Variants in TP73 observed in about 807,000 individuals in gnomAD.
TP73 encodes the protein tumor protein p73, also known as p53-like transcription factor.
Under a neutral mutation model 62.5 loss-of-function variants are expected in TP73, and 25 were observed. The observed-to-expected ratio is 0.40, with a 90% confidence interval of 0.29 to 0.56. The LOEUF (loss-of-function observed/expected upper bound fraction) is 0.56, where lower values mean the gene tolerates loss of function less well. Ranked by LOEUF, TP73 falls within the 20% of genes least tolerant of loss-of-function variation. The pLI is 0.46. For missense variants in TP73, 754 were observed against 913.3 expected, an observed-to-expected ratio of 0.83 and a Z score of 2.25; for synonymous variants, 423 against 377.5, an observed-to-expected ratio of 1.12 and a Z score of -1.40.
intron 3 of TP73, chr1:3,698,235 G>A: frequency 2.0e-5 from 11 of 556,400 alleles, no homozygotes; most frequent in Non-Finnish European, 2.5e-5. Context: ...TGGGCTCTGG[G>A]GTGCTGGCAG....
In TP73 at chr1:3,733,146, T is replaced by C; in HGVS notation, c.*67T>C. ...CAAGCTGCCTCCCCTCTCCTTCCTG[T>C]GTGTCCAAAACTGCCTCAGGAGGCA... On this transcript the variant is annotated 3_prime_UTR_variant, in exon 14 of 14. Coordinates refer to ENST00000378295, the MANE Select transcript of TP73 (RefSeq NM_005427.4). 1.4e-6 allele frequency: 2 copies of C among 1,459,376 alleles called. No homozygotes were observed. The highest frequency in any genetic ancestry group is 2.8e-5 in the African/African-American group (2 of 71,350). 90.4% of individuals were successfully genotyped at this position (1,459,376 alleles called of 1,614,324 possible).
chr1:3,656,872 G>A (rs1032298602), intron 1 of TP73, among the ~76,000 whole-genome samples: 1 of 152,232 alleles, frequency 6.6e-6, no homozygotes, highest in Admixed American at 6.5e-5. Context: ...AGTTTTGAAT[G>A]TAGGCAGCAA....
At chr1:3,667,773 A>G (rs576708841) in intron 1 of TP73, among the ~76,000 whole-genome samples, 354 of 152,168 alleles carry the variant, frequency 2.3e-3, no homozygotes, top group Non-Finnish European at 3.6e-3. Flanking sequence ...AAGAAAGAAA[A>G]AAAGTAAAAA....
intron 1 of TP73, among the ~76,000 whole-genome samples, chr1:3,667,227 A>C (rs1313171317): frequency 6.6e-6 from 1 of 152,232 alleles, no homozygotes; most frequent in African/African-American, 2.4e-5. Flanking sequence ...CCCCAAAGAC[A>C]GGAAGAGGGG....
rs201732307 is a variant in TP73, at chr1:3,727,075, G to A, written c.733-40G>A. 17 of 1,569,058 alleles carry A rather than the reference G, an allele frequency of 1.1e-5. No individual in the cohort carries two copies. The East Asian group carries it at 1.6e-4, about 15-fold the overall frequency. Reference sequence around the variant, plus strand: ...TGCCACCTTAGTGGATTGGGGCTGCGTGCTGATGCTAGCCCCTCTCCCTGC... The same window carrying A: ...TGCCACCTTAGTGGATTGGGGCTGCATGCTGATGCTAGCCCCTCTCCCTGC... On this transcript the variant is annotated intron_variant, in intron 6 of 13. Transcript: ENST00000378295.
rs1157975374 is a variant in TP73 at position 3,683,098 on chromosome 1, G to A, written c.104G>A (p.Ser35Asn). The A allele has an allele frequency of 6.2e-7, 1 of 1,612,274 alleles. No individual in the cohort carries two copies. Among genetic ancestry groups the A allele is most frequent in the East Asian group, 2.2e-5 (1 of 44,828 alleles). Residue 35 changes from serine (S) to asparagine (N), a missense_variant, in exon 3 of 14, where the codon AGC (serine) becomes AAC (asparagine). By Grantham distance (46) the Ser-to-Asn change is conservative. This residue lies in a region of TP73 where 235 missense variants were observed against 251.4 expected (regional missense o/e 0.93). Transcript: ENST00000378295. Reference sequence around the variant, plus strand: ...ACCTACTTCGACCTTCCCCAGTCAAGCCGGGGGAATAATGAGGTGGTGGGC... The same window carrying A: ...ACCTACTTCGACCTTCCCCAGTCAAACCGGGGGAATAATGAGGTGGTGGGC... ...DSTYFDLPQS[S>N]RGNNEVVGGT...
In TP73 at chr1:3,730,045, G is replaced by T. The variant is rs767903746; in HGVS notation, c.1242G>T (p.Met414Ile). Residue 414 changes from methionine (M) to isoleucine (I), a missense_variant, in exon 11 of 14, where the codon ATG (methionine) becomes ATT (isoleucine). Physicochemically the swap from Met to Ile is conservative, Grantham distance 10 (BLOSUM62 1). This residue lies in a region of TP73 where 458 missense variants were observed against 528.7 expected (regional missense o/e 0.87). Transcript: ENST00000378295. The part of the protein sequence containing the change: ...PPSYGPVLSP[M>I]NKVHGGMNKL... ...CCTACGGGCCGGTCCTCTCGCCCAT[G>T]AACAAGGTGCACGGGGGCATGAACA... 1 of 1,609,940 alleles carries T rather than the reference G, an allele frequency of 6.2e-7. No homozygotes were observed. Among genetic ancestry groups the T allele is most frequent in the Non-Finnish European group, 8.5e-7 (1 of 1,178,482 alleles).
chr1:3,717,608 A>G lies in TP73; in HGVS notation c.430-4413A>G, dbSNP rs545029018. Among the ~76,000 whole-genome samples, 16 of 152,244 alleles carry G rather than the reference A, an allele frequency of 1.1e-4. No individual in the cohort carries two copies. In the East Asian group the frequency reaches 3.1e-3, roughly 30 times the overall value. ...TTTCCTATAGAATAGGCTCCACCGG[A>G]GTCCTCCTCCTCCTGCCCGTTTTCC... On this transcript the variant is annotated intron_variant, in intron 4 of 13. Coordinates refer to ENST00000378295, the MANE Select transcript of TP73 (RefSeq NM_005427.4).
At chr1:3,709,298 C>G (rs1433545537) in intron 4 of TP73, among the ~76,000 whole-genome samples, 1 of 152,230 alleles carries the variant, frequency 6.6e-6, no homozygotes, top group Non-Finnish European at 1.5e-5. Context: ...GGCAGAGGAC[C>G]TGGCACCTCC....
chr1:3,686,999 C>G (rs1645674642), intron 3 of TP73, among the ~76,000 whole-genome samples: 1 of 152,150 alleles, frequency 6.6e-6, no homozygotes, highest in Non-Finnish European at 1.5e-5. Flanking sequence ...TTTAAGAAAG[C>G]TGCTCCTCGG....
At chr1:3,673,915 C>G (rs1570401662) in intron 1 of TP73, among the ~76,000 whole-genome samples, 1 of 152,254 alleles carries the variant, frequency 6.6e-6, no homozygotes, top group Non-Finnish European at 1.5e-5. Flanking sequence ...CAGCCGGGCC[C>G]GTGCCTCCCT....
At chr1:3,685,452 G>A (rs1387560026) in intron 3 of TP73, among the ~76,000 whole-genome samples, 3 of 152,218 alleles carry the variant, frequency 2.0e-5, no homozygotes, top group Admixed American at 2.0e-4. Context: ...TGCACAGCTC[G>A]ACTCACGGAG....
Position 3,728,163 on chromosome 1 carries a change from T to C in TP73, c.1020T>C (p.Leu340=). The change falls in exon 9 of 14, where the codon CTT becomes CTC. Residue 340 remains leucine, a synonymous_variant. Coordinates refer to ENST00000378295, the MANE Select transcript of TP73 (RefSeq NM_005427.4). Reference sequence around the variant, plus strand: ...AGAGCCCCCCTGCCGTCCCCGCCCTTGGTGCCGGTGTGAAGAAGCGGCGGC... The same window carrying C: ...AGAGCCCCCCTGCCGTCCCCGCCCTCGGTGCCGGTGTGAAGAAGCGGCGGC... ...FKQSPPAVPA[L]GAGVKKRRHG... 1 of 1,611,860 alleles carries C rather than the reference T, an allele frequency of 6.2e-7. No individual in the cohort carries two copies. The highest frequency in any genetic ancestry group is 1.7e-5 in the Admixed American group (1 of 60,018).
rs529699285 is a variant in TP73 at position 3,700,312 on chromosome 1, C to T, written c.187-7237C>T. Among the ~76,000 whole-genome samples the T allele has an allele frequency of 4.6e-5, 7 of 152,260 alleles. 1 individual carries two copies. The highest frequency in any genetic ancestry group is 1.7e-4 in the African/African-American group (7 of 41,546). On this transcript the variant is annotated intron_variant, in intron 3 of 13. Transcript: ENST00000378295. ...CTGTTGTCATTTCCACTAAAAAATA[C>T]GTTCCGTTCTGGACAGTACCACATC...
At position 3,663,576 on chromosome 1, in the gene TP73, C is replaced by T. The variant is rs185279452; in HGVS notation, c.-34+10935C>T. Among the ~76,000 whole-genome samples, 13 of 151,874 alleles carry T rather than the reference C, an allele frequency of 8.6e-5. No individual in the cohort carries two copies. Among genetic ancestry groups the T allele is most frequent in the East Asian group, 1.9e-4 (1 of 5,148 alleles). ...TAAAAAATACAAAAAATTAGCCAGGCGTGGTGGCGGGCGCCTGTAGTCCCA... is the reference window on the plus strand; with the variant it reads ...TAAAAAATACAAAAAATTAGCCAGGTGTGGTGGCGGGCGCCTGTAGTCCCA... On this transcript the variant is annotated intron_variant, in intron 1 of 13. Transcript: ENST00000378295. The surrounding 1 kb of genome is among the most constrained non-coding windows in gnomAD (Gnocchi z 4.7).
intron 1 of TP73, among the ~76,000 whole-genome samples, chr1:3,669,085 C>T (rs966376885): frequency 1.5e-4 from 23 of 152,376 alleles, no homozygotes; most frequent in Non-Finnish European, 2.5e-4. Context: ...CTGCTGCCAC[C>T]GCCCGCCTGC....
chr1:3,729,346 T>C lies in TP73; in HGVS notation c.1094T>C (p.Phe365Ser), dbSNP rs1340219778. ...YYLQVRGREN[F>S]EILMKLKESL... The stretch of plus-strand genomic sequence containing the variant: ...GCTCAGGTGCGAGGCCGGGAGAACT[T>C]TGAGATCCTGATGAAGCTGAAAGAG... Residue 365 changes from phenylalanine (F) to serine (S), a missense_variant, in exon 10 of 14, where the codon TTT (phenylalanine) becomes TCT (serine). By Grantham distance (155) the Phe-to-Ser change is radical (BLOSUM62 -2). Coordinates refer to ENST00000378295, the MANE Select transcript of TP73 (RefSeq NM_005427.4). 6.2e-7 allele frequency: 1 copy of C among 1,612,862 alleles called. No homozygotes were observed. Among genetic ancestry groups the C allele is most frequent in the Non-Finnish European group, 8.5e-7 (1 of 1,179,838 alleles).
Position 3,672,511 on chromosome 1 carries a change from G to A in TP73, c.-33-9822G>A, listed in dbSNP as rs994375930. 7.2e-5 allele frequency among the ~76,000 whole-genome samples: 11 copies of A among 152,048 alleles called. No homozygotes were observed. In the South Asian group the frequency reaches 1.7e-3, roughly 23 times the overall value. On this transcript the variant is annotated intron_variant, in intron 1 of 13. Transcript: ENST00000378295. The surrounding 1 kb of genome is among the most constrained non-coding windows in gnomAD (Gnocchi z 5.3). Reference sequence around the variant, plus strand: ...AGTCACCTGCCCTGCTGAGGGCAGCGCTGTACTCATCACCTGTGAACACAG... The same window carrying A: ...AGTCACCTGCCCTGCTGAGGGCAGCACTGTACTCATCACCTGTGAACACAG...
intron 1 of TP73, among the ~76,000 whole-genome samples, chr1:3,655,363 G>C (rs888708098): frequency 1.3e-5 from 2 of 152,142 alleles, no homozygotes; most frequent in Non-Finnish European, 2.9e-5. Context: ...CTCCAGCCCG[G>C]GCAACAGAGC....
Sources: allele counts gnomAD v4.1 joint callset (sites outside exome capture counted in the v4.1 genomes callset), GRCh38; gene constraint gnomAD v4.1.1; regional missense constraint gnomAD v4.1.1; non-coding constraint Gnocchi (gnomAD v3.1); transcripts MANE v1.5; gene names NCBI Gene and HGNC (gene_info 2026-07-23, HGNC 2026-07-21).